The following WDR64 variants were observed in gnomAD, a reference collection of about 807,000 sequenced individuals.
The protein encoded by WDR64 is WD repeat domain 64.
A neutral mutation model predicts 139.3 loss-of-function variants in WDR64; 112 were observed. The ratio of observed to expected loss-of-function variants is 0.80; its 90% CI spans 0.69 to 0.94. The LOEUF (loss-of-function observed/expected upper bound fraction) is 0.94. WDR64 is among the 40% of genes least tolerant of loss of function. The pLI, the probability that WDR64 is intolerant of heterozygous loss-of-function variation, is 0.00. For missense variants in WDR64, 1,206 were observed against 1,293.1 expected (o/e 0.93, Z 1.03); for synonymous variants, 444 against 437.7 (o/e 1.01, Z -0.18).
intron 13 of WDR64, among the ~76,000 whole-genome samples, chr1:241,748,485 C>A (rs1435527191): frequency 6.6e-6 from 1 of 152,140 alleles, no homozygotes; most frequent in Admixed American, 6.6e-5. Context: ...TTGTTACTTA[C>A]TTTTCTTTTT....
intron 10 of WDR64, among the ~76,000 whole-genome samples, chr1:241,729,209 T>G (rs1668978136): frequency 6.6e-6 from 1 of 152,146 alleles, no homozygotes; most frequent in South Asian, 2.1e-4. Context: ...TCCTGTAAAT[T>G]ACCTCATTCT....
intron 8 of WDR64, among the ~76,000 whole-genome samples, chr1:241,701,124 A>C (rs1195383572): frequency 2.6e-5 from 4 of 152,212 alleles, no homozygotes; most frequent in African/African-American, 9.7e-5. Context: ...GACAAGAAAA[A>C]TATGCCCTTC....
chr1:241,715,820 G>A (rs1359578270), intron 9 of WDR64, among the ~76,000 whole-genome samples: 2 of 151,978 alleles, frequency 1.3e-5, no homozygotes, highest in Non-Finnish European at 2.9e-5. Context: ...CATTTCTGGG[G>A]GAAAAATGTG....
chr1:241,790,440 A>T, intron 24 of WDR64, 151 bp from the exon 25 acceptor site: 2 of 594,706 alleles, frequency 3.4e-6, no homozygotes, highest in Non-Finnish European at 2.9e-6. Context: ...ACCAACTGGT[A>T]TAAGAGTTGA....
chr1:241,657,591 T>C (rs546595933), intron 1 of WDR64, among the ~76,000 whole-genome samples: 2 of 152,298 alleles, frequency 1.3e-5, no homozygotes, highest in South Asian at 4.1e-4. Context: ...TAGCTTTCTA[T>C]GTGGCTGACC....
At position 241,766,208 on chromosome 1, in the gene WDR64, C is replaced by T. The variant is rs576824811; in HGVS notation, c.1948-10C>T. The T allele has an allele frequency of 1.1e-4, 170 of 1,612,840 alleles. 2 individuals carry two copies. The East Asian group carries it at 2.9e-3, about 27-fold the overall frequency. On this transcript the variant is annotated splice_polypyrimidine_tract_variant and intron_variant, in intron 15 of 27. Coordinates refer to ENST00000437684, the MANE Select transcript of WDR64 (RefSeq NM_001367482.1). ...TATATTTATGGTGTTCTGTTTCCTT[C>T]GTTCTTCAGAATCCCACCATGGATT...
chr1:241,705,278 A>C (rs939330681), intron 8 of WDR64, among the ~76,000 whole-genome samples: 1 of 151,962 alleles, frequency 6.6e-6, no homozygotes. Flanking sequence ...GGGGTGGCTC[A>C]CGCCTGTAAT....
rs779578672 is a variant in WDR64 at position 241,703,861 on chromosome 1, G to C, written c.975-7941G>C. ...CTTCTTCACATGATGGCAGGAGAGAGAAAAGTGAGCAAAAGAGGAACTTGC... is the reference window on the plus strand; with the variant it reads ...CTTCTTCACATGATGGCAGGAGAGACAAAAGTGAGCAAAAGAGGAACTTGC... On this transcript the variant is annotated intron_variant, in intron 8 of 27. Coordinates refer to ENST00000437684, the MANE Select transcript of WDR64 (RefSeq NM_001367482.1). This position sits in a 1 kb window ranked among gnomAD's most constrained non-coding sequence, Gnocchi z 5.9. Among the ~76,000 whole-genome samples, 10 of 152,134 alleles carry C rather than the reference G, an allele frequency of 6.6e-5. No individual in the cohort carries two copies. The highest frequency in any genetic ancestry group is 1.2e-4 in the Non-Finnish European group (8 of 68,026).
intron 13 of WDR64, among the ~76,000 whole-genome samples, chr1:241,746,447 G>T (rs958399181): frequency 6.6e-6 from 1 of 151,884 alleles, no homozygotes; most frequent in African/African-American, 2.4e-5. Context: ...CAAAGCAAAT[G>T]AATGAAGTTA....
At chr1:241,720,003 T>A (rs1402787072) in intron 9 of WDR64, among the ~76,000 whole-genome samples, 1 of 152,182 alleles carries the variant, frequency 6.6e-6, no homozygotes, top group Non-Finnish European at 1.5e-5. Context: ...CGTGAGTCCA[T>A]GTGTCCATTC....
At chr1:241,758,494 T>C (rs1016702594) in intron 15 of WDR64, among the ~76,000 whole-genome samples, 3 of 152,198 alleles carry the variant, frequency 2.0e-5, no homozygotes, top group East Asian at 1.9e-4. Flanking sequence ...AGCAAACTAA[T>C]TGATGATTTG....
At chr1:241,691,084 T>G (rs1574011972) in intron 8 of WDR64, among the ~76,000 whole-genome samples, 1 of 152,094 alleles carries the variant, frequency 6.6e-6, no homozygotes, top group East Asian at 1.9e-4. Context: ...TACTTGAAAG[T>G]GGACTTGGAT....
intron 23 of WDR64, among the ~76,000 whole-genome samples, chr1:241,783,663 T>G (rs151074725): frequency 4.1e-4 from 63 of 152,292 alleles, no homozygotes; most frequent in African/African-American, 1.5e-3. Context: ...TTCAAAGAAT[T>G]AAGCAAGATA....
intron 27 of WDR64, among the ~76,000 whole-genome samples, chr1:241,800,202 T>C (rs2148337595): frequency 6.6e-6 from 1 of 152,284 alleles, no homozygotes; most frequent in South Asian, 2.1e-4. Flanking sequence ...CCTCCTACCT[T>C]GTCTGTGGGA....
chr1:241,719,264 T>C (rs1558489310), intron 9 of WDR64, among the ~76,000 whole-genome samples: 1 of 152,208 alleles, frequency 6.6e-6, no homozygotes, highest in Non-Finnish European at 1.5e-5. Flanking sequence ...AATGAAGTTA[T>C]TGAAGTGGTT....
At chr1:241,653,607 G>A (rs1050332945) in intron 1 of WDR64, among the ~76,000 whole-genome samples, 3 of 148,906 alleles carry the variant, frequency 2.0e-5, no homozygotes, top group Non-Finnish European at 4.4e-5. Flanking sequence ...GAAATGGTGC[G>A]ATCTCGGCTC....
At chr1:241,783,422 A>G in intron 23 of WDR64, 41 bp downstream of exon 23, 1 of 1,451,760 alleles carries the variant, frequency 6.9e-7, no homozygotes, top group South Asian at 1.2e-5. Context: ...CAGTACTGTG[A>G]GCATGAGAGG....
intron 23 of WDR64, among the ~76,000 whole-genome samples, chr1:241,787,129 T>G (rs1249705543): frequency 6.8e-6 from 1 of 146,740 alleles, no homozygotes; most frequent in Non-Finnish European, 1.5e-5. Flanking sequence ...CCGAGGCGGG[T>G]GGATCACGAG....
intron 23 of WDR64, among the ~76,000 whole-genome samples, chr1:241,784,793 C>T (rs1023160408): frequency 1.3e-5 from 2 of 150,882 alleles, no homozygotes; most frequent in Admixed American, 6.6e-5. Flanking sequence ...GTCTCTACTG[C>T]GAATACAAAA....
Sources: allele counts gnomAD v4.1 joint callset (sites outside exome capture counted in the v4.1 genomes callset), GRCh38; gene constraint gnomAD v4.1.1; non-coding constraint Gnocchi (gnomAD v3.1); transcripts MANE v1.5; gene names NCBI Gene and HGNC (gene_info 2026-07-23, HGNC 2026-07-21).